Variants in CEMIP observed in about 807,000 individuals in gnomAD.
CEMIP encodes cell migration-inducing and hyaluronan-binding protein.
CEMIP carries 105 observed loss-of-function variants against 156.9 expected under a neutral mutation model. That is an observed-to-expected ratio of 0.67 (90% CI 0.57 to 0.79). The LOEUF (loss-of-function observed/expected upper bound fraction) is 0.79. CEMIP is among the 30% of genes least tolerant of loss of function. The pLI is 0.00. For missense variants in CEMIP, 1,457 were observed against 1,769.4 expected (o/e 0.82, Z 3.17); for synonymous variants, 676 against 668.4 (o/e 1.01, Z -0.17).
chr15:80,946,760 G>A (rs1901572758), intron 28 of CEMIP: 2 of 597,364 alleles, frequency 3.3e-6, no homozygotes, highest in Non-Finnish European at 6.2e-6. Context: ...CCAGATGTGT[G>A]GGAGGGAGCT....
chr15:80,925,061 G>T (rs1389722232), intron 18 of CEMIP, among the ~76,000 whole-genome samples: 1 of 152,216 alleles, frequency 6.6e-6, no homozygotes, highest in African/African-American at 2.4e-5. Flanking sequence ...TAATGGGAAA[G>T]AACATGCAAG....
chr15:80,835,930 CAT>C (rs1468603462), intron 1 of CEMIP, among the ~76,000 whole-genome samples: 1 of 151,186 alleles, frequency 6.6e-6, no homozygotes, highest in Non-Finnish European at 1.5e-5. Flanking sequence ...GAAATATCTA[CAT>C]GTTTATTTTT....
At chr15:80,945,866 C>A (rs1233967843) in intron 28 of CEMIP, among the ~76,000 whole-genome samples, 1 of 152,244 alleles carries the variant, frequency 6.6e-6, no homozygotes, top group African/African-American at 2.4e-5. Context: ...TTTCCCAGCA[C>A]TTTGGACTGA....
chr15:80,823,702 T>C (rs1288178483), intron 1 of CEMIP, among the ~76,000 whole-genome samples: 1 of 152,190 alleles, frequency 6.6e-6, no homozygotes, highest in Admixed American at 6.5e-5. Context: ...TTAACAGTTT[T>C]ACTAATTTTT....
chr15:80,913,947 AAC>A (rs2141904901), intron 14 of CEMIP, among the ~76,000 whole-genome samples: 1 of 152,362 alleles, frequency 6.6e-6, no homozygotes, highest in Admixed American at 6.5e-5. Flanking sequence ...GGTGTTCCGT[AAC>A]ACAGTTTGTA....
In CEMIP at chr15:80,936,618, T is replaced by C. The variant is rs1414533444; in HGVS notation, c.3010-56T>C. Reference sequence around the variant, plus strand: ...ATAGTCAGATGTTAGCCAGACGCTCTTGGAATAATCCTTCGTAATAGCCTC... The same window carrying C: ...ATAGTCAGATGTTAGCCAGACGCTCCTGGAATAATCCTTCGTAATAGCCTC... On this transcript the variant is annotated intron_variant, in intron 23 of 29. Transcript: ENST00000394685. 5.4e-6 allele frequency: 8 copies of C among 1,477,912 alleles called. No individual in the cohort carries two copies. In the Admixed American group the frequency reaches 1.3e-4, roughly 25 times the overall value. The allele number at this position is 1,477,912 out of a possible 1,614,324, so 91.5% of individuals were successfully genotyped here. A position where few individuals can be genotyped will look rare whatever the true frequency, so the allele number is the denominator to read the frequency against.
intron 3 of CEMIP, 46 bp downstream of exon 3, chr15:80,874,019 C>T: frequency 6.7e-7 from 1 of 1,497,896 alleles, no homozygotes; most frequent in East Asian, 2.4e-5. Context: ...GCATGGAAGG[C>T]ACGGCCCCTC....
chr15:80,885,115 CCT>C (rs1341847658), intron 7 of CEMIP, among the ~76,000 whole-genome samples: 1 of 152,114 alleles, frequency 6.6e-6, no homozygotes, highest in Non-Finnish European at 1.5e-5. Context: ...TGTTCCCCTC[CCT>C]GTGTCCATGG....
rs200436734 is a variant in CEMIP, at chr15:80,909,134, C to T, written c.1625C>T (p.Thr542Met). The part of the protein sequence containing the change: ...LGFKAAHLEG[T>M]ELKHMGQQLV... ...TTTAAGGCAGCACACTTGGAGGGCACGGAGCTGAAGCATATGGGACAGCAG... is the reference window on the plus strand; with the variant it reads ...TTTAAGGCAGCACACTTGGAGGGCATGGAGCTGAAGCATATGGGACAGCAG... Residue 542 changes from threonine to methionine, a missense_variant, in exon 14 of 30, where the codon ACG becomes ATG. By Grantham distance (81) the Thr-to-Met change is moderately conservative. This residue lies in a region of CEMIP where 53 missense variants were observed against 104.5 expected (regional missense o/e 0.51). Transcript: ENST00000394685. 1.1e-5 allele frequency: 17 copies of T among 1,614,100 alleles called. No individual in the cohort carries two copies. Among genetic ancestry groups the T allele is most frequent in the African/African-American group, 2.7e-5 (2 of 75,030 alleles).
rs748431060 is a variant in CEMIP, at chr15:80,889,564, A to G, written c.1058A>G (p.Lys353Arg). 2 of 1,614,222 alleles carry G rather than the reference A, an allele frequency of 1.2e-6. No homozygotes were observed. The highest frequency in any genetic ancestry group is 1.1e-5 in the South Asian group (1 of 91,088). Residue 353 changes from lysine to arginine, a missense_variant, in exon 10 of 30, where the codon AAA becomes AGA. By Grantham distance (26) the Lys-to-Arg change is conservative. Transcript: ENST00000394685. ...ISDLWKAHPG[K>R]ICNRPIDIQA... is the part of the protein sequence containing the mutation. ...GACCTCTGGAAAGCTCACCCAGGAAAAATATGCAATCGTCCCATTGATATA... is the reference window on the plus strand; with the variant it reads ...GACCTCTGGAAAGCTCACCCAGGAAGAATATGCAATCGTCCCATTGATATA...
intron 3 of CEMIP, among the ~76,000 whole-genome samples, chr15:80,874,716 A>G (rs569148622): frequency 8.0e-4 from 122 of 152,352 alleles, no homozygotes; most frequent in African/African-American, 2.8e-3. Flanking sequence ...CCTGGGCTAC[A>G]GGAAACACTG....
chr15:80,794,922 A>G (rs1261148188), intron 1 of CEMIP, among the ~76,000 whole-genome samples: 1 of 152,198 alleles, frequency 6.6e-6, no homozygotes, highest in Non-Finnish European at 1.5e-5. Context: ...GAGCAGGGAG[A>G]GAAAGCCTCT....
At chr15:80,945,251 C>G (rs1901501906) in intron 28 of CEMIP, among the ~76,000 whole-genome samples, 1 of 152,174 alleles carries the variant, frequency 6.6e-6, no homozygotes, top group African/African-American at 2.4e-5. Flanking sequence ...AAGAAGTGTT[C>G]CCAACATAGG....
In CEMIP at chr15:80,929,032, C is replaced by T; in HGVS notation, c.2470C>T (p.Pro824Ser). 7 of 1,614,164 alleles carry T rather than the reference C, an allele frequency of 4.3e-6. No individual in the cohort carries two copies. Among genetic ancestry groups the T allele is most frequent in the East Asian group, 2.2e-5 (1 of 44,868 alleles). ...TTCTCTCTACAGTGGTGGAACCTTCCCGTATGACGACGGCTCCAAGCAAGA... is the reference window on the plus strand; with the variant it reads ...TTCTCTCTACAGTGGTGGAACCTTCTCGTATGACGACGGCTCCAAGCAAGA... The part of the protein sequence containing the change: ...GLTLASGGTF[P>S]YDDGSKQEIK... Residue 824 changes from proline (P) to serine (S), a missense_variant, in exon 21 of 30, where the codon CCG (proline) becomes TCG (serine). By Grantham distance (74) the Pro-to-Ser change is moderately conservative. Coordinates refer to ENST00000394685, the MANE Select transcript of CEMIP (RefSeq NM_001293298.2).
chr15:80,853,218 T>A (rs1050606932), intron 1 of CEMIP, among the ~76,000 whole-genome samples: 1 of 151,962 alleles, frequency 6.6e-6, no homozygotes, highest in Non-Finnish European at 1.5e-5. Context: ...TGGTTGCAAG[T>A]AAGAGAAACC....
At chr15:80,855,052 T>C (rs1897816580) in intron 1 of CEMIP, among the ~76,000 whole-genome samples, 1 of 151,974 alleles carries the variant, frequency 6.6e-6, no homozygotes, top group Non-Finnish European at 1.5e-5. Flanking sequence ...CTCGGCATGG[T>C]GGTGTGTGCC....
intron 28 of CEMIP, among the ~76,000 whole-genome samples, chr15:80,945,850 G>A (rs554190152): frequency 7.9e-5 from 12 of 152,218 alleles, no homozygotes; most frequent in Admixed American, 2.6e-4. Context: ...CCACTGTGAA[G>A]GCTATTTTCC....
intron 1 of CEMIP, among the ~76,000 whole-genome samples, chr15:80,866,786 TAA>T (rs11403997): frequency 7.4e-5 from 10 of 135,922 alleles, no homozygotes; most frequent in South Asian, 2.4e-4. Flanking sequence ...AACTCTGTCT[TAA>T]AAAAAAAAAA....
At chr15:80,899,145 G>A (rs577570895) in intron 12 of CEMIP, among the ~76,000 whole-genome samples, 6 of 151,672 alleles carry the variant, frequency 4.0e-5, no homozygotes, top group African/African-American at 1.5e-4. Context: ...CCTGGGAGGC[G>A]GAGGTTGCAG....
Sources: gnomAD v4.1 joint callset for allele counts (sites outside exome capture counted in the v4.1 genomes callset) on GRCh38, gnomAD v4.1.1 for gene constraint, gnomAD v4.1.1 regional missense constraint, MANE v1.5 for transcripts, NCBI Gene and HGNC (gene_info 2026-07-23, HGNC 2026-07-21) for gene names.